The following CCDC81 variants were observed in gnomAD, a reference collection of about 807,000 sequenced individuals.
CCDC81 encodes the protein coiled-coil domain-containing protein 81.
CCDC81 carries 79 observed loss-of-function variants against 83.7 expected under a neutral mutation model. The observed-to-expected ratio is 0.94, with a 90% CI of 0.79 to 1.14. The LOEUF (loss-of-function observed/expected upper bound fraction) is 1.14, where lower values mean the gene tolerates loss of function less well. CCDC81 is among the 50% of genes most tolerant of loss of function. The pLI is 0.00. For synonymous variants in CCDC81, 252 were observed against 278.1 expected (o/e 0.91, Z 0.93); for missense variants, 791 against 778.1 (o/e 1.02, Z -0.20).
chr11:86,387,791 TC>T (rs1474674724), intron 3 of CCDC81, 119 bp downstream of exon 3: 17 of 717,026 alleles, frequency 2.4e-5, no homozygotes, highest in Non-Finnish European at 3.5e-5. Flanking sequence ...AACTCACTTT[TC>T]ACAAGGTGCT....
rs1411432546 is a variant in CCDC81 at position 86,422,791 on chromosome 11, G to A, written c.*76G>A. On this transcript the variant is annotated 3_prime_UTR_variant, in exon 15 of 15. Coordinates refer to ENST00000445632, the MANE Select transcript of CCDC81 (RefSeq NM_001156474.2). ...TGTTTGGGGGTGATTGTGAAACTGC[G>A]TATTTTTACCTCAGAGAAAAAAATC... 16 of 1,396,834 alleles carry A rather than the reference G, an allele frequency of 1.1e-5. No homozygotes were observed. The highest frequency in any genetic ancestry group is 4.2e-5 in the Admixed American group (2 of 47,424). 86.5% of individuals were successfully genotyped at this position (1,396,834 alleles called of 1,614,324 possible). A position where few individuals can be genotyped will look rare whatever the true frequency, so the allele number is the denominator to read the frequency against.
intron 13 of CCDC81, among the ~76,000 whole-genome samples, chr11:86,416,816 T>C (rs868752032): frequency 2.1e-4 from 32 of 152,228 alleles, no homozygotes; most frequent in South Asian, 4.1e-4. Context: ...TTGTGACTCA[T>C]AGAAGGCCAC....
chr11:86,411,822 A>G (rs1217816156), intron 10 of CCDC81, among the ~76,000 whole-genome samples: 1 of 152,134 alleles, frequency 6.6e-6, no homozygotes, highest in Non-Finnish European at 1.5e-5. Context: ...TTTGGTCTTA[A>G]AGCTTGAAAC....
chr11:86,421,081 C>T (rs909545317), intron 14 of CCDC81, among the ~76,000 whole-genome samples: 3 of 152,108 alleles, frequency 2.0e-5, no homozygotes, highest in African/African-American at 7.2e-5. Context: ...CCTGGTATAT[C>T]GTGGAGCAGA....
chr11:86,415,255 C>T lies in CCDC81; in HGVS notation c.1633C>T (p.Leu545=), dbSNP rs780259773. 1.2e-6 allele frequency: 2 copies of T among 1,614,070 alleles called. No homozygotes were observed. Among genetic ancestry groups the T allele is most frequent in the East Asian group, 4.5e-5 (2 of 44,888 alleles). ...TGCTAACCACAAGAGGAAAGCCATCCTGCATCAACTAGTGGACCAGAGGCG... is the reference window on the plus strand; with the variant it reads ...TGCTAACCACAAGAGGAAAGCCATCTTGCATCAACTAGTGGACCAGAGGCG... ...AAANHKRKAI[L]HQLVDQRRDL... The change falls in exon 13 of 15, where the codon CTG becomes TTG. Residue 545 remains leucine, a synonymous_variant. Transcript: ENST00000445632.
chr11:86,379,139 C>T (rs888682011), intron 1 of CCDC81, among the ~76,000 whole-genome samples: 1 of 151,886 alleles, frequency 6.6e-6, no homozygotes, highest in Non-Finnish European at 1.5e-5. Flanking sequence ...CTGTGTCACC[C>T]AGGCTGGAGT....
In CCDC81 at chr11:86,380,802, A is replaced by T. The variant is rs80267016; in HGVS notation, c.80-5249A>T. Among the ~76,000 whole-genome samples, 445 of 152,142 alleles carry T rather than the reference A, an allele frequency of 2.9e-3. 1 individual carries two copies. The highest frequency in any genetic ancestry group is 0.01 in the African/African-American group (425 of 41,488). ...TTTTTGGTTCTTTCTTAGGATTTCA[A>T]TCTCTCTGCTTATGTAGCCCATCTG... On this transcript the variant is annotated intron_variant, in intron 1 of 14. Coordinates refer to ENST00000445632, the MANE Select transcript of CCDC81 (RefSeq NM_001156474.2).
At chr11:86,379,627 A>C (rs1292058755) in intron 1 of CCDC81, among the ~76,000 whole-genome samples, 1 of 152,174 alleles carries the variant, frequency 6.6e-6, no homozygotes, top group Non-Finnish European at 1.5e-5. Flanking sequence ...AGCATACATA[A>C]TTGAATACAT....
At position 86,422,841 on chromosome 11, in the gene CCDC81, T is replaced by C. The variant is rs899077509; in HGVS notation, c.*126T>C. On this transcript the variant is annotated 3_prime_UTR_variant, in exon 15 of 15. Transcript: ENST00000445632. The stretch of plus-strand genomic sequence containing the variant: ...CATTGTTTAGGTTTGGTGCTTTCAT[T>C]AGATTGCTTGTTAAGCCCTTATTGA... The C allele has an allele frequency of 2.9e-5, 27 of 939,080 alleles. No homozygotes were observed. The highest frequency in any genetic ancestry group is 1.9e-4 in the Admixed American group (7 of 36,504). 58.2% of individuals were successfully genotyped at this position (939,080 alleles called of 1,614,324 possible). A position where few individuals can be genotyped will look rare whatever the true frequency, so the allele number is the denominator to read the frequency against.
chr11:86,402,747 T>C (rs1948510688), intron 7 of CCDC81, among the ~76,000 whole-genome samples: 1 of 152,204 alleles, frequency 6.6e-6, no homozygotes, highest in Non-Finnish European at 1.5e-5. Context: ...GTGCTATATT[T>C]TCTACAGCTT....
chr11:86,411,079 C>T (rs924286589), intron 10 of CCDC81, among the ~76,000 whole-genome samples: 3 of 152,192 alleles, frequency 2.0e-5, no homozygotes, highest in Admixed American at 2.0e-4. Flanking sequence ...ATACTATTCT[C>T]CCATTTAAAA....
chr11:86,407,757 C>T (rs1948582293), intron 8 of CCDC81, 56 bp downstream of exon 8: 1 of 1,330,000 alleles, frequency 7.5e-7, no homozygotes, highest in African/African-American at 1.5e-5. Context: ...ATTTTTGTTT[C>T]TCAAAGAGAG....
intron 3 of CCDC81, among the ~76,000 whole-genome samples, chr11:86,389,441 CAT>C (rs1428979138): frequency 6.6e-6 from 1 of 152,128 alleles, no homozygotes; most frequent in South Asian, 2.1e-4. Flanking sequence ...TTAATTGACT[CAT>C]AGTTCTGCAG....
chr11:86,382,090 A>C (rs758136778), intron 1 of CCDC81, among the ~76,000 whole-genome samples: 1 of 152,212 alleles, frequency 6.6e-6, no homozygotes, highest in Non-Finnish European at 1.5e-5. Flanking sequence ...CAAGTAATAC[A>C]GGGCCTTGTA....
chr11:86,392,581 C>T lies in CCDC81; in HGVS notation c.339C>T (p.Ser113=), dbSNP rs558242042. 2.1e-5 allele frequency: 33 copies of T among 1,551,544 alleles called. No homozygotes were observed. In the East Asian group the frequency reaches 6.6e-4, roughly 31 times the overall value. ...TTCCACTTAATTTTGTCATGATATC[C>T]CTGGAGGGTCCATTTAACAGAGATG... ...PIVPLNFVMI[S]LEGPFNRDVV... The change falls in exon 4 of 15, where the codon TCC becomes TCT. Residue 113 remains serine, a synonymous_variant. Transcript: ENST00000445632.
intron 10 of CCDC81, among the ~76,000 whole-genome samples, chr11:86,411,927 CA>C (rs1948647378): frequency 6.6e-6 from 1 of 152,206 alleles, no homozygotes; most frequent in African/African-American, 2.4e-5. Context: ...TGATTGCATT[CA>C]GACAATGAGC....
intron 1 of CCDC81, among the ~76,000 whole-genome samples, chr11:86,380,999 A>G (rs1948169701): frequency 6.6e-6 from 1 of 151,912 alleles, no homozygotes; most frequent in African/African-American, 2.4e-5. Flanking sequence ...TTTTTTCTTG[A>G]TAGCTGGAAG....
At chr11:86,403,064 G>A (rs1948515373) in intron 7 of CCDC81, among the ~76,000 whole-genome samples, 1 of 137,114 alleles carries the variant, frequency 7.3e-6, no homozygotes, top group South Asian at 2.3e-4. Flanking sequence ...ATGTTGTGTA[G>A]GCTGGTCTAG....
At chr11:86,411,752 T>C (rs1240360381) in intron 10 of CCDC81, among the ~76,000 whole-genome samples, 1 of 152,250 alleles carries the variant, frequency 6.6e-6, no homozygotes, top group Admixed American at 6.5e-5. Context: ...ACTGACCCAA[T>C]AGTCCCACAG....
Sources: allele counts gnomAD v4.1 joint callset (sites outside exome capture counted in the v4.1 genomes callset), GRCh38; gene constraint gnomAD v4.1.1; transcripts MANE v1.5; gene names NCBI Gene and HGNC (gene_info 2026-07-23, HGNC 2026-07-21).